MARCHF6: variants seen among roughly 807,000 people sequenced by gnomAD.
The protein encoded by MARCHF6 is E3 ubiquitin-protein ligase MARCHF6.
In MARCHF6, 31 loss-of-function variants were observed where a neutral mutation model predicts 133.7. The ratio of observed to expected loss-of-function variants is 0.23; its 90% CI spans 0.17 to 0.31. The LOEUF is 0.31. Among genes scored for constraint, MARCHF6 ranks in the 10% least tolerant of loss-of-function variants. The pLI is 1.00. For missense variants in MARCHF6, 723 were observed against 1,121.6 expected (o/e 0.64, Z 5.08); for synonymous variants, 395 against 402.5 (o/e 0.98, Z 0.22).
At chr5:10,409,647 G>C (rs1263934480) in intron 17 of MARCHF6, among the ~76,000 whole-genome samples, 2 of 152,170 alleles carry the variant, frequency 1.3e-5, no homozygotes, top group Non-Finnish European at 2.9e-5. Context: ...GTTTAAAGAG[G>C]ATCATTCTGA....
Position 10,424,902 on chromosome 5 carries a change from C to T in MARCHF6, c.2373+1078C>T, listed in dbSNP as rs146711323. 4.2e-3 allele frequency among the ~76,000 whole-genome samples: 637 copies of T among 152,020 alleles called. 8 individuals are homozygous for T. The highest frequency in any genetic ancestry group is 0.014 in the African/African-American group (573 of 41,442). The stretch of plus-strand genomic sequence containing the variant: ...AAAGGTAGACTGTGCTTTAGCACTC[C>T]GATAATAAGACTAGAAAGTATGGTA... On this transcript the variant is annotated intron_variant, in intron 23 of 25. Transcript: ENST00000274140.
In MARCHF6 at chr5:10,410,210, A is replaced by T. The variant is rs1462327856; in HGVS notation, c.1625A>T (p.Gln542Leu). The T allele has an allele frequency of 1.9e-6, 3 of 1,613,808 alleles. No homozygotes were observed. Among genetic ancestry groups the T allele is most frequent in the Non-Finnish European group, 2.5e-6 (3 of 1,180,028 alleles). ...LQVVLPALLE[Q>L]GHTRQWLKGL... Reference sequence around the variant, plus strand: ...GTTGTCTTGCCAGCATTACTCGAACAGGGACACACGAGGCAGTGGCTGAAG... The same window carrying T: ...GTTGTCTTGCCAGCATTACTCGAACTGGGACACACGAGGCAGTGGCTGAAG... The change falls in exon 18 of 26, where the codon CAG becomes CTG. Residue 542 changes from glutamine (Q) to leucine (L), a missense_variant. By Grantham distance (113) the Gln-to-Leu change is moderately radical. This residue lies in a region of MARCHF6 where 492 missense variants were observed against 699.5 expected (regional missense o/e 0.70). Transcript: ENST00000274140.
intron 1 of MARCHF6, among the ~76,000 whole-genome samples, chr5:10,362,562 A>G (rs913426370): frequency 2.0e-5 from 3 of 152,254 alleles, no homozygotes; most frequent in Admixed American, 2.0e-4. Context: ...TAAAAGTAAC[A>G]ATAAACTCAA....
At chr5:10,365,151 A>AG (rs1736065271) in intron 1 of MARCHF6, among the ~76,000 whole-genome samples, 6 of 152,006 alleles carry the variant, frequency 3.9e-5, no homozygotes, top group African/African-American at 1.4e-4. Context: ...GACAGACTCT[A>AG]ACTTAAGCCT....
At chr5:10,421,218 G>A (rs1739805406) in intron 22 of MARCHF6, among the ~76,000 whole-genome samples, 2 of 152,144 alleles carry the variant, frequency 1.3e-5, no homozygotes, top group Non-Finnish European at 2.9e-5. Flanking sequence ...TGAGGCATGA[G>A]CAAGGCTGTT....
intron 3 of MARCHF6, among the ~76,000 whole-genome samples, chr5:10,380,119 T>A (rs2126699198): frequency 6.6e-6 from 1 of 151,994 alleles, no homozygotes; most frequent in East Asian, 1.9e-4. Flanking sequence ...GGATCCCCTA[T>A]ATTGCCTTCC....
chr5:10,410,494 T>C (rs1579599507), intron 18 of MARCHF6, among the ~76,000 whole-genome samples: 1 of 152,150 alleles, frequency 6.6e-6, no homozygotes, highest in Admixed American at 6.5e-5. Context: ...TTTGCCCTCT[T>C]ATAGAAGTTT....
intron 4 of MARCHF6, among the ~76,000 whole-genome samples, chr5:10,384,963 G>C (rs752194997): frequency 6.6e-5 from 10 of 152,158 alleles, no homozygotes; most frequent in African/African-American, 1.2e-4. Flanking sequence ...CCTATTAATA[G>C]TAGAATGGAT....
At chr5:10,430,981 G>T (rs1740334397) in intron 25 of MARCHF6, among the ~76,000 whole-genome samples, 1 of 152,164 alleles carries the variant, frequency 6.6e-6, no homozygotes. Flanking sequence ...TGAGTTTATG[G>T]TTTATCCATC....
At chr5:10,354,957 T>C (rs557068843) in intron 1 of MARCHF6, among the ~76,000 whole-genome samples, 1 of 152,146 alleles carries the variant, frequency 6.6e-6, no homozygotes. Context: ...TTTAAAGAAG[T>C]CTTGCCTTTA....
In MARCHF6 at chr5:10,403,334, C is replaced by T. The variant is rs188526611; in HGVS notation, c.1198-73C>T. 345 of 1,445,878 alleles carry T rather than the reference C, an allele frequency of 2.4e-4. No individual in the cohort carries two copies. The African/African-American group carries it at 4.3e-3, about 18-fold the overall frequency. The allele number at this position is 1,445,878 out of a possible 1,614,324, so 89.6% of individuals were successfully genotyped here. A position where few individuals can be genotyped will look rare whatever the true frequency, so the allele number is the denominator to read the frequency against. ...TGCATGCATATTGATTATTTATTTC[C>T]TAGAAGATGAAAATGTTAACTTGGC... is the stretch of plus-strand genomic sequence containing the variant. On this transcript the variant is annotated intron_variant, in intron 14 of 25. Coordinates refer to ENST00000274140, the MANE Select transcript of MARCHF6 (RefSeq NM_005885.4).
At chr5:10,366,231 G>C (rs1297688329) in intron 1 of MARCHF6, among the ~76,000 whole-genome samples, 1 of 152,110 alleles carries the variant, frequency 6.6e-6, no homozygotes, top group East Asian at 1.9e-4. Flanking sequence ...CCTTGTATTT[G>C]CTATTTTTAA....
At chr5:10,386,746 AAAAG>A (rs1737504637) in intron 4 of MARCHF6, among the ~76,000 whole-genome samples, 1 of 152,234 alleles carries the variant, frequency 6.6e-6, no homozygotes, top group Non-Finnish European at 1.5e-5. Flanking sequence ...TTCAATAAAA[AAAAG>A]CAACTAAACC....
intron 25 of MARCHF6, among the ~76,000 whole-genome samples, chr5:10,430,404 C>T (rs1740307303): frequency 6.7e-6 from 1 of 148,452 alleles, no homozygotes; most frequent in Non-Finnish European, 1.5e-5. Context: ...CTCCCAGGTT[C>T]AAGCGATTCT....
chr5:10,424,828 T>C (rs1740001578), intron 23 of MARCHF6, among the ~76,000 whole-genome samples: 1 of 152,220 alleles, frequency 6.6e-6, no homozygotes, highest in South Asian at 2.1e-4. Context: ...AGACTATTAT[T>C]GTATTACAGA....
intron 19 of MARCHF6, among the ~76,000 whole-genome samples, chr5:10,412,072 C>G (rs1739262780): frequency 6.6e-6 from 1 of 152,168 alleles, no homozygotes; most frequent in South Asian, 2.1e-4. Flanking sequence ...TTAAAATGCC[C>G]TTTAATAATG....
chr5:10,400,252 A>C (rs1738442527), intron 10 of MARCHF6, among the ~76,000 whole-genome samples: 2 of 152,258 alleles, frequency 1.3e-5, no homozygotes, highest in Admixed American at 1.3e-4. Flanking sequence ...AATTCTTATC[A>C]ATTTGGGACT....
chr5:10,408,101 C>A (rs1305508405), intron 17 of MARCHF6, among the ~76,000 whole-genome samples: 1 of 152,118 alleles, frequency 6.6e-6, no homozygotes, highest in Non-Finnish European at 1.5e-5. Context: ...CTCAAGTTTA[C>A]TTCTAATGAG....
chr5:10,423,729 C>A lies in MARCHF6; in HGVS notation c.2284-6C>A. On this transcript the variant is annotated splice_polypyrimidine_tract_variant and splice_region_variant and intron_variant, in intron 22 of 25. Transcript: ENST00000274140. ...GAAATATGTTAAATGGTTTTTAATT[C>A]CCTAGGACTGGGCACTTGGAGTCCT... 2 of 1,599,428 alleles carry A rather than the reference C, an allele frequency of 1.3e-6. No homozygotes were observed. The highest frequency in any genetic ancestry group is 2.2e-5 in the East Asian group (1 of 44,696).
Sources: allele counts gnomAD v4.1 joint callset (sites outside exome capture counted in the v4.1 genomes callset), GRCh38; gene constraint gnomAD v4.1.1; regional missense constraint gnomAD v4.1.1; transcripts MANE v1.5; gene names NCBI Gene and HGNC (gene_info 2026-07-23, HGNC 2026-07-21).